PRKCH: variants seen among roughly 807,000 people sequenced by gnomAD.
The protein encoded by PRKCH is protein kinase C eta, also known as protein kinase C eta type.
A neutral mutation model predicts 82.5 loss-of-function variants in PRKCH; 28 were observed. That is an observed-to-expected ratio of 0.34 (90% CI 0.25 to 0.47). PRKCH has a LOEUF of 0.47. Among genes scored for constraint, PRKCH ranks in the 20% least tolerant of loss-of-function variants. The pLI is 1.00. For synonymous variants in PRKCH, 322 were observed against 327.4 expected (o/e 0.98, Z 0.18); for missense variants, 705 against 881.8 (o/e 0.80, Z 2.54).
At chr14:61,379,138 T>A (rs927420722) in intron 1 of PRKCH, among the ~76,000 whole-genome samples, 1 of 152,210 alleles carries the variant, frequency 6.6e-6, no homozygotes, top group African/African-American at 2.4e-5. Context: ...TTACACAGCT[T>A]ACATTTGATC....
chr14:61,261,078 T>A (rs1323829023), intron 1 of PRKCH, among the ~76,000 whole-genome samples: 1 of 152,004 alleles, frequency 6.6e-6, no homozygotes, highest in East Asian at 1.9e-4. Flanking sequence ...AGTAATCGGT[T>A]CCAAAAACAA....
Position 61,322,238 on chromosome 14 carries a change from C to T in PRKCH, c.137C>T (p.Thr46Met). The change falls in exon 1 of 14, where the codon ACG becomes ATG. Residue 46 changes from threonine to methionine, a missense_variant. Physicochemically the swap from Thr to Met is moderately conservative, Grantham distance 81. Around this residue, in one of 5 missense-constraint regions of PRKCH, gnomAD observed 246 missense variants for 308.0 expected, o/e 0.80. Transcript: ENST00000332981. ...KGHQLLDPYL[T>M]VSVDQVRVGQ... ...CACCAGCTGCTGGACCCCTATCTGACGGTGAGCGTGGACCAGGTGCGCGTG... is the reference window on the plus strand; with the variant it reads ...CACCAGCTGCTGGACCCCTATCTGATGGTGAGCGTGGACCAGGTGCGCGTG... The T allele has an allele frequency of 1.2e-6, 2 of 1,613,494 alleles. No homozygotes were observed. Among genetic ancestry groups the T allele is most frequent in the Non-Finnish European group, 1.7e-6 (2 of 1,179,886 alleles).
At chr14:61,233,324 G>C (rs972175379) in intron 1 of PRKCH, among the ~76,000 whole-genome samples, 16 of 151,784 alleles carry the variant, frequency 1.1e-4, no homozygotes, top group African/African-American at 3.9e-4. Context: ...CCAAGAGATT[G>C]AGGCTGCAGT....
intron 10 of PRKCH, among the ~76,000 whole-genome samples, chr14:61,501,983 C>T (rs1372312259): frequency 1.3e-5 from 2 of 151,380 alleles, no homozygotes; most frequent in East Asian, 3.9e-4. Context: ...AGATTTTTTC[C>T]TAAGTCTTTA....
chr14:61,316,118 C>G (rs959771734), intron 1 of PRKCH, among the ~76,000 whole-genome samples: 4 of 152,102 alleles, frequency 2.6e-5, no homozygotes, highest in Non-Finnish European at 5.9e-5. Context: ...CATTAAGTTG[C>G]TATTCTATAA....
intron 9 of PRKCH, among the ~76,000 whole-genome samples, chr14:61,467,203 G>C (rs1212269319): frequency 6.6e-6 from 1 of 152,228 alleles, no homozygotes; most frequent in African/African-American, 2.4e-5. Flanking sequence ...CAAGAGCTCT[G>C]AGTTCTAATT....
At chr14:61,484,340 C>T (rs1886113718) in intron 9 of PRKCH, among the ~76,000 whole-genome samples, 1 of 136,398 alleles carries the variant, frequency 7.3e-6, no homozygotes, top group Non-Finnish European at 1.5e-5. Context: ...ACACCAAACT[C>T]TGTATGGGGA....
chr14:61,409,545 GA>G (rs552067560), intron 2 of PRKCH, among the ~76,000 whole-genome samples: 5 of 149,380 alleles, frequency 3.3e-5, no homozygotes, highest in African/African-American at 9.8e-5. Context: ...ACCAAAAAAA[GA>G]AAAAAAAATC....
chr14:61,283,319 T>C (rs1328630454), intron 1 of PRKCH, among the ~76,000 whole-genome samples: 1 of 152,076 alleles, frequency 6.6e-6, no homozygotes, highest in Non-Finnish European at 1.5e-5. Context: ...CTAATTAAGG[T>C]GACAGATTTT....
At chr14:61,338,823 A>C (rs2045891730) in intron 1 of PRKCH, among the ~76,000 whole-genome samples, 1 of 151,856 alleles carries the variant, frequency 6.6e-6, no homozygotes, top group Non-Finnish European at 1.5e-5. Flanking sequence ...ATGGGTGTTG[A>C]CTCCTTCTGT....
chr14:61,219,675 T>TA (rs2044640618), intron 1 of PRKCH, among the ~76,000 whole-genome samples: 1 of 152,222 alleles, frequency 6.6e-6, no homozygotes, highest in Non-Finnish European at 1.5e-5. Flanking sequence ...CATCATTAAA[T>TA]AAAAAACAGA....
chr14:61,395,667 G>T (rs895978222), intron 2 of PRKCH, among the ~76,000 whole-genome samples: 1 of 152,136 alleles, frequency 6.6e-6, no homozygotes, highest in East Asian at 1.9e-4. Context: ...CTATATGAAG[G>T]TATGTTAGTG....
intron 10 of PRKCH, among the ~76,000 whole-genome samples, chr14:61,513,224 C>A (rs1021776691): frequency 1.3e-5 from 2 of 152,146 alleles, no homozygotes; most frequent in African/African-American, 2.4e-5. Context: ...GGGAATGCAA[C>A]CAAAGTTTAA....
intron 1 of PRKCH, among the ~76,000 whole-genome samples, chr14:61,348,248 A>G (rs2046023007): frequency 6.6e-6 from 1 of 152,142 alleles, no homozygotes; most frequent in East Asian, 1.9e-4. Context: ...CTGATTGCCC[A>G]TATGTTCCAC....
chr14:61,215,604 T>A (rs143749475), intron 1 of PRKCH, among the ~76,000 whole-genome samples: 1 of 152,338 alleles, frequency 6.6e-6, no homozygotes, highest in African/African-American at 2.4e-5. Flanking sequence ...TCAATAAATA[T>A]TTATATTTAT....
At chr14:61,223,628 T>G (rs2044672653) in intron 1 of PRKCH, among the ~76,000 whole-genome samples, 1 of 152,232 alleles carries the variant, frequency 6.6e-6, no homozygotes, top group African/African-American at 2.4e-5. Context: ...TGCATTTATT[T>G]ATTAGGACTC....
intron 9 of PRKCH, among the ~76,000 whole-genome samples, chr14:61,468,521 C>T (rs954556511): frequency 3.9e-5 from 6 of 152,128 alleles, no homozygotes; most frequent in Admixed American, 1.3e-4. Context: ...CTGTCCTCTC[C>T]GGCTACCAGG....
At chr14:61,235,810 G>A (rs1218259232) in intron 1 of PRKCH, among the ~76,000 whole-genome samples, 2 of 152,202 alleles carry the variant, frequency 1.3e-5, no homozygotes, top group African/African-American at 4.8e-5. Flanking sequence ...AGATGACTCT[G>A]GGGCTGCCAC....
intron 9 of PRKCH, among the ~76,000 whole-genome samples, chr14:61,471,509 C>T (rs1885502055): frequency 6.6e-6 from 1 of 151,770 alleles, no homozygotes; most frequent in African/African-American, 2.4e-5. Context: ...GTCTGCTTTA[C>T]CGGGCTAAAA....
Sources: gnomAD v4.1 joint callset for allele counts (sites outside exome capture counted in the v4.1 genomes callset) on GRCh38, gnomAD v4.1.1 for gene constraint, gnomAD v4.1.1 regional missense constraint, MANE v1.5 for transcripts, NCBI Gene and HGNC (gene_info 2026-07-23, HGNC 2026-07-21) for gene names.